TASP1: variants seen among roughly 807,000 people sequenced by gnomAD.
TASP1 encodes threonine aspartase 1.
TASP1 carries 16 observed loss-of-function variants against 56.6 expected under a neutral mutation model. The observed-to-expected ratio is 0.28, with a 90% CI of 0.19 to 0.43. The LOEUF (loss-of-function observed/expected upper bound fraction) is 0.43. Ranked by LOEUF, TASP1 falls within the 20% of genes least tolerant of loss-of-function variation. TASP1 has a pLI of 1.00. For missense variants in TASP1, 393 were observed against 511.6 expected, an observed-to-expected ratio of 0.77 and a Z score of 2.24; for synonymous variants, 179 against 184.2, an observed-to-expected ratio of 0.97 and a Z score of 0.23.
intron 5 of TASP1, among the ~76,000 whole-genome samples, chr20:13,582,184 G>A (rs1360225140): frequency 1.3e-5 from 2 of 149,634 alleles, no homozygotes; most frequent in African/African-American, 4.9e-5. Flanking sequence ...AAACAATATA[G>A]TTCTAGATGT....
chr20:13,222,056 G>C, the TASP1 span: 3 of 844,520 alleles, frequency 3.6e-6, no homozygotes, highest in African/African-American at 3.6e-5. Context: ...AGTTTTGCCC[G>C]GGCCACTTGA....
At chr20:13,310,144 G>A in the TASP1 span, among the ~76,000 whole-genome samples, 9 of 152,148 alleles carry the variant, frequency 5.9e-5, no homozygotes, top group Non-Finnish European at 1.3e-4. Context: ...GCAATCTTGA[G>A]CAAAAGGAAC....
chr20:13,370,381 G>A, the TASP1 span, among the ~76,000 whole-genome samples: 1 of 151,918 alleles, frequency 6.6e-6, no homozygotes, highest in African/African-American at 2.4e-5. Flanking sequence ...TTATTGGTCT[G>A]GAATCTTATA....
chr20:13,574,724 A>G (rs1357589908), intron 6 of TASP1, among the ~76,000 whole-genome samples: 1 of 152,218 alleles, frequency 6.6e-6, no homozygotes, highest in Non-Finnish European at 1.5e-5. Context: ...GCAGGTAATT[A>G]GACATTAAGT....
intron 10 of TASP1, among the ~76,000 whole-genome samples, chr20:13,493,817 C>A (rs1416628573): frequency 1.3e-5 from 2 of 152,150 alleles, no homozygotes; most frequent in African/African-American, 4.8e-5. Flanking sequence ...ACCCAATATT[C>A]ATTTTGAGTG....
At chr20:13,455,102 G>A (rs112716524) in intron 11 of TASP1, among the ~76,000 whole-genome samples, 12 of 151,876 alleles carry the variant, frequency 7.9e-5, no homozygotes, top group African/African-American at 2.9e-4. Flanking sequence ...AACAATAAAT[G>A]CCTTCTTAAA....
At chr20:13,430,523 T>G (rs73901163) in intron 12 of TASP1, among the ~76,000 whole-genome samples, 1,603 of 152,270 alleles carry the variant, frequency 0.011, 31 homozygotes, top group African/African-American at 0.036. Context: ...GCTGCTTGAG[T>G]GTCCTCATGA....
At chr20:13,467,400 T>C (rs967392056) in intron 11 of TASP1, among the ~76,000 whole-genome samples, 1 of 148,722 alleles carries the variant, frequency 6.7e-6, no homozygotes, top group Non-Finnish European at 1.5e-5. Flanking sequence ...TCTTCAACCA[T>C]CTTTAAAATG....
the TASP1 span, among the ~76,000 whole-genome samples, chr20:13,187,025 T>C: frequency 2.3e-4 from 35 of 152,152 alleles, no homozygotes; most frequent in African/African-American, 8.2e-4. Context: ...AGAAGAGAGA[T>C]AAAACTCTAA....
chr20:13,569,654 G>C, intron 6 of TASP1, 68 bp from the exon 7 acceptor site: 2 of 1,342,030 alleles, frequency 1.5e-6, no homozygotes, highest in Non-Finnish European at 1.0e-6. Context: ...ATAAATATAG[G>C]TAATATGGTA....
chr20:13,184,780 G>A, the TASP1 span, among the ~76,000 whole-genome samples: 1 of 152,230 alleles, frequency 6.6e-6, no homozygotes, highest in Admixed American at 6.5e-5. Flanking sequence ...TTTGGTCTGA[G>A]GAGGATAAGA....
chr20:13,638,215 C>G (rs1360440027), intron 1 of TASP1, among the ~76,000 whole-genome samples: 1 of 152,110 alleles, frequency 6.6e-6, no homozygotes, highest in Non-Finnish European at 1.5e-5. Context: ...AAAATTCCTT[C>G]GCTAATAAAG....
chr20:13,571,108 G>C (rs191210490), intron 6 of TASP1, among the ~76,000 whole-genome samples: 44 of 152,194 alleles, frequency 2.9e-4, no homozygotes, highest in African/African-American at 1.0e-3. Flanking sequence ...TCGAAGGTTT[G>C]ATTCTAAGTA....
At chr20:13,533,575 G>T (rs1300552512) in intron 9 of TASP1, among the ~76,000 whole-genome samples, 1 of 152,122 alleles carries the variant, frequency 6.6e-6, no homozygotes, top group Non-Finnish European at 1.5e-5. Flanking sequence ...CTGGATCAGA[G>T]GAGGGATGTA....
At chr20:13,236,334 C>T in the TASP1 span, among the ~76,000 whole-genome samples, 2 of 152,158 alleles carry the variant, frequency 1.3e-5, no homozygotes, top group Non-Finnish European at 2.9e-5. Flanking sequence ...CTGGGATATT[C>T]ATTGAGTTAG....
At chr20:13,381,242 G>C in the TASP1 span, among the ~76,000 whole-genome samples, 1 of 152,206 alleles carries the variant, frequency 6.6e-6, no homozygotes, top group Non-Finnish European at 1.5e-5. Flanking sequence ...TGTGGGTTGC[G>C]AAGACTGTGG....
At chr20:13,385,703 A>C (rs1481445714), downstream of TASP1, among the ~76,000 whole-genome samples, 1 of 152,240 alleles carries the variant, frequency 6.6e-6, no homozygotes, top group Admixed American at 6.5e-5. Flanking sequence ...AGGAACCAGA[A>C]AAGGGGAGAA....
At chr20:13,322,548 C>T in the TASP1 span, among the ~76,000 whole-genome samples, 1 of 152,164 alleles carries the variant, frequency 6.6e-6, no homozygotes, top group Non-Finnish European at 1.5e-5. Context: ...TGTTTCTAAA[C>T]AACTTAAGAA....
At chr20:13,412,122 A>G (rs371425184) in intron 13 of TASP1, among the ~76,000 whole-genome samples, 1 of 152,170 alleles carries the variant, frequency 6.6e-6, no homozygotes, top group African/African-American at 2.4e-5. Flanking sequence ...CTCTGCTCCA[A>G]GCTTTGGTGT....
Sources: gnomAD v4.1 joint callset for allele counts (sites outside exome capture counted in the v4.1 genomes callset) on GRCh38, gnomAD v4.1.1 for gene constraint, MANE v1.5 for transcripts, NCBI Gene and HGNC (gene_info 2026-07-23, HGNC 2026-07-21) for gene names.